Variants in CHSY1 observed in about 807,000 individuals in gnomAD.
CHSY1 encodes chondroitin sulfate synthase 1.
Under a neutral mutation model 59.8 loss-of-function variants are expected in CHSY1, and 13 were observed. The ratio of observed to expected loss-of-function variants is 0.22; its 90% CI spans 0.14 to 0.35. CHSY1 has a LOEUF of 0.35. Among genes scored for constraint, CHSY1 ranks in the 10% least tolerant of loss-of-function variants. The pLI is 1.00. For missense variants in CHSY1, 947 were observed against 1,030.6 expected (o/e 0.92, Z 1.11); for synonymous variants, 459 against 401.2 (o/e 1.14, Z -1.72).
chr15:101,186,748 GC>G (rs2038371687), intron 2 of CHSY1: 1 of 152,210 alleles, frequency 6.6e-6, no homozygotes. Context: ...GCTGCAGTGA[GC>G]CATGATCGCA....
At chr15:101,199,717 G>A (rs1174929463) in intron 2 of CHSY1, among the ~76,000 whole-genome samples, 1 of 152,154 alleles carries the variant, frequency 6.6e-6, no homozygotes, top group Non-Finnish European at 1.5e-5. Flanking sequence ...CAAGTTAGAT[G>A]AAAAACCTGG....
intron 2 of CHSY1, among the ~76,000 whole-genome samples, chr15:101,230,910 C>T (rs563934812): frequency 5.7e-4 from 87 of 152,308 alleles, no homozygotes; most frequent in Middle Eastern, 3.4e-3. Context: ...TGCAATTTCC[C>T]TACCAATTCA....
At chr15:101,194,660 T>C (rs941982569) in intron 2 of CHSY1, among the ~76,000 whole-genome samples, 1 of 152,190 alleles carries the variant, frequency 6.6e-6, no homozygotes, top group Non-Finnish European at 1.5e-5. Flanking sequence ...AACCAGAGCT[T>C]CCTACTCCTC....
chr15:101,190,805 T>C (rs1384378391), intron 2 of CHSY1, among the ~76,000 whole-genome samples: 1 of 152,156 alleles, frequency 6.6e-6, no homozygotes, highest in Non-Finnish European at 1.5e-5. Flanking sequence ...CTTGCCGAAG[T>C]TACACAGATG....
chr15:101,219,066 G>A (rs568045142), intron 2 of CHSY1, among the ~76,000 whole-genome samples: 209 of 152,242 alleles, frequency 1.4e-3, no homozygotes, highest in Non-Finnish European at 2.4e-3. Context: ...GTACAACCTC[G>A]AACAAGGTTA....
rs564143620 is a variant in CHSY1 at position 101,251,074 on chromosome 15, C to CCCGGGATGCCGGCCG, written c.320+48_320+62dup. ...GGCGGAGGCGAGAGCCAGGAGAGCACCCGGGATGCCGGCCGCCGGGATGCC... is the reference window on the plus strand; with the variant it reads ...GGCGGAGGCGAGAGCCAGGAGAGCACCCGGGATGCCGGCCGCCGGGATGCCGGCCGCCGGGATGCC... On this transcript the variant is annotated intron_variant, in intron 1 of 2. Coordinates refer to ENST00000254190, the MANE Select transcript of CHSY1 (RefSeq NM_014918.5). 6.1e-5 allele frequency: 90 copies of CCCGGGATGCCGGCCG among 1,472,840 alleles called. No homozygotes were observed. In the East Asian group the frequency reaches 6.8e-4, roughly 11 times the overall value. 91.2% of individuals were successfully genotyped at this position (1,472,840 alleles called of 1,614,324 possible). A position where few individuals can be genotyped will look rare whatever the true frequency, so the allele number is the denominator to read the frequency against.
At chr15:101,182,280 C>A (rs1005117778) in intron 2 of CHSY1, among the ~76,000 whole-genome samples, 1 of 152,092 alleles carries the variant, frequency 6.6e-6, no homozygotes, top group African/African-American at 2.4e-5. Context: ...ATAAGAACTG[C>A]AAGAGATCGC....
intron 2 of CHSY1, among the ~76,000 whole-genome samples, chr15:101,224,001 T>C (rs113312712): frequency 0.028 from 4,271 of 152,378 alleles, 147 homozygotes; most frequent in African/African-American, 0.077. Flanking sequence ...TGTTGTGATA[T>C]GTTTAGAAAT....
intron 2 of CHSY1, among the ~76,000 whole-genome samples, chr15:101,196,247 C>G (rs56408443): frequency 7.0e-6 from 1 of 143,818 alleles, no homozygotes; most frequent in Non-Finnish European, 1.5e-5. Context: ...AAAAAAAAAA[C>G]ATATATGTAA....
chr15:101,206,092 T>C (rs1289833612), intron 2 of CHSY1, among the ~76,000 whole-genome samples: 1 of 152,242 alleles, frequency 6.6e-6, no homozygotes, highest in Non-Finnish European at 1.5e-5. Flanking sequence ...TGATTTTTGA[T>C]ATATGCTTCA....
chr15:101,234,039 T>C (rs753383808), intron 2 of CHSY1, among the ~76,000 whole-genome samples: 1 of 152,208 alleles, frequency 6.6e-6, no homozygotes, highest in African/African-American at 2.4e-5. Context: ...TTTTTCACCA[T>C]TAACTGGTAT....
chr15:101,207,531 T>A (rs1363942315), intron 2 of CHSY1, among the ~76,000 whole-genome samples: 1 of 152,202 alleles, frequency 6.6e-6, no homozygotes, highest in Admixed American at 6.5e-5. Flanking sequence ...ATCTGTTAAT[T>A]CATCAAACAC....
chr15:101,220,905 C>G (rs978678958), intron 2 of CHSY1, among the ~76,000 whole-genome samples: 1 of 152,174 alleles, frequency 6.6e-6, no homozygotes, highest in Non-Finnish European at 1.5e-5. Context: ...CTCAGCTGGA[C>G]GAGCAGCCCC....
rs148344653 is a variant in CHSY1 at position 101,235,322 on chromosome 15, C to T, written c.576G>A (p.Glu192=). The change falls in exon 2 of 3, where the codon GAG becomes GAA. Residue 192 remains glutamate (E), a synonymous_variant. Transcript: ENST00000254190. ...ENFLRSLNSS[E]PLFLGQTGLG... is the part of the protein sequence containing the mutation. The stretch of plus-strand genomic sequence containing the variant: ...GGCCTGTCTGCCCAAGAAAGAGGGG[C>T]TCGCTGCTGTTCAAACTCCTCAGGA... 1.9e-6 allele frequency: 3 copies of T among 1,614,092 alleles called. No individual in the cohort carries two copies. Among genetic ancestry groups the T allele is most frequent in the African/African-American group, 2.7e-5 (2 of 74,924 alleles).
At chr15:101,215,459 G>A (rs1034945063) in intron 2 of CHSY1, among the ~76,000 whole-genome samples, 1 of 152,180 alleles carries the variant, frequency 6.6e-6, no homozygotes, top group African/African-American at 2.4e-5. Context: ...TATAGGCCAC[G>A]CGTGGTGGCT....
intron 1 of CHSY1, among the ~76,000 whole-genome samples, chr15:101,246,215 T>C (rs1387718390): frequency 6.6e-6 from 1 of 152,198 alleles, no homozygotes; most frequent in Non-Finnish European, 1.5e-5. Flanking sequence ...CATCCACCTC[T>C]TTCTTCTGAC....
intron 1 of CHSY1, among the ~76,000 whole-genome samples, chr15:101,248,802 T>C (rs1596457895): frequency 1.3e-5 from 2 of 152,170 alleles, no homozygotes; most frequent in East Asian, 3.8e-4. Context: ...TTTTCTTTTT[T>C]TTGAGACGGA....
chr15:101,193,723 G>A (rs2038473847), intron 2 of CHSY1, among the ~76,000 whole-genome samples: 1 of 152,228 alleles, frequency 6.6e-6, no homozygotes, highest in Non-Finnish European at 1.5e-5. Flanking sequence ...AGAAGAGTGG[G>A]AAAGTCCTCT....
At chr15:101,234,783 C>T (rs1026893661) in intron 2 of CHSY1, among the ~76,000 whole-genome samples, 1 of 152,160 alleles carries the variant, frequency 6.6e-6, no homozygotes, top group Non-Finnish European at 1.5e-5. Flanking sequence ...AGGAGAATTG[C>T]TTGAACCCAG....
Sources: gnomAD v4.1 joint callset for allele counts (sites outside exome capture counted in the v4.1 genomes callset) on GRCh38, gnomAD v4.1.1 for gene constraint, MANE v1.5 for transcripts, NCBI Gene and HGNC (gene_info 2026-07-23, HGNC 2026-07-21) for gene names.